The following TTC34 variants were observed in gnomAD, a reference collection of about 807,000 sequenced individuals.
The protein encoded by TTC34 is tetratricopeptide repeat domain 34.
A neutral mutation model predicts 40.7 loss-of-function variants in TTC34; 44 were observed. The observed-to-expected ratio is 1.08, with a 90% CI of 0.85 to 1.39. The LOEUF (loss-of-function observed/expected upper bound fraction) is 1.39, where lower values mean the gene tolerates loss of function less well. Ranked by LOEUF, TTC34 falls within the 40% of genes most tolerant of loss-of-function variation. TTC34 has a pLI of 0.00. For synonymous variants in TTC34, 422 were observed against 398.6 expected, an observed-to-expected ratio of 1.06 and a Z score of -0.70; for missense variants, 884 against 838.0, an observed-to-expected ratio of 1.05 and a Z score of -0.68.
chr1:2,645,160 G>T lies in TTC34; in HGVS notation c.2497+133C>A, dbSNP rs1638994273. ...GCAGGGCCAGAGGTCATGGGATTTG[G>T]GGTGGAAGGGACCTTGGAAGCTGTT... On this transcript the variant is annotated intron_variant, in intron 7 of 8. Transcript: ENST00000401095. This position sits in a 1 kb window ranked among gnomAD's most constrained non-coding sequence, Gnocchi z 4.7. The T allele has an allele frequency of 2.7e-6, 3 of 1,123,070 alleles. No homozygotes were observed. Among genetic ancestry groups the T allele is most frequent in the East Asian group, 5.9e-5 (2 of 33,970 alleles). The allele number at this position is 1,123,070 out of a possible 1,614,324, so 69.6% of individuals were successfully genotyped here. A position where few individuals can be genotyped will look rare whatever the true frequency, so the allele number is the denominator to read the frequency against.
At chr1:2,646,824 C>T (rs1018031073) in intron 6 of TTC34, among the ~76,000 whole-genome samples, 19 of 152,240 alleles carry the variant, frequency 1.2e-4, no homozygotes, top group African/African-American at 4.6e-4. Flanking sequence ...CACCACCTTC[C>T]CTCAGGATCT....
chr1:2,751,953 T>A (rs1386201971), intron 6 of TTC34, among the ~76,000 whole-genome samples: 1 of 116,018 alleles, frequency 8.6e-6, no homozygotes, highest in African/African-American at 3.9e-5. Flanking sequence ...TCGGAGAGTC[T>A]GGAGCAGCGC....
intron 6 of TTC34, among the ~76,000 whole-genome samples, chr1:2,685,033 C>T (rs1263979848): frequency 1.8e-5 from 2 of 111,638 alleles, no homozygotes; most frequent in African/African-American, 3.5e-5. Context: ...TAACAGCACC[C>T]ACACCCACAG....
At chr1:2,750,123 CA>C (rs1641266918) in intron 6 of TTC34, among the ~76,000 whole-genome samples, 2 of 44,118 alleles carry the variant, frequency 4.5e-5, no homozygotes, top group Non-Finnish European at 5.9e-5. Context: ...AGCACCCACA[CA>C]CCCAGGTGAG....
chr1:2,693,404 C>A (rs1459560973), intron 6 of TTC34, among the ~76,000 whole-genome samples: 1 of 51,582 alleles, frequency 1.9e-5, no homozygotes, highest in African/African-American at 7.1e-5. Context: ...GAGCATCTGA[C>A]TGCATGTATC....
intron 6 of TTC34, among the ~76,000 whole-genome samples, chr1:2,759,429 C>T (rs1641617454): frequency 3.0e-5 from 3 of 98,922 alleles, no homozygotes; most frequent in East Asian, 3.6e-4. Flanking sequence ...CCTGGATCAG[C>T]ACCCACACTC....
At chr1:2,765,715 C>CAA (rs1641768019) in intron 6 of TTC34, among the ~76,000 whole-genome samples, 17 of 49,314 alleles carry the variant, frequency 3.4e-4, no homozygotes, top group South Asian at 3.1e-3. Context: ...AGCATGCACA[C>CAA]CCCCAGGCGA....
chr1:2,698,349 TGG>T (rs1261254721), intron 6 of TTC34, among the ~76,000 whole-genome samples: 80 of 55,632 alleles, frequency 1.4e-3, no homozygotes, highest in Non-Finnish European at 2.4e-3. Context: ...TCTGACGTCC[TGG>T]AACAGCACCC....
At chr1:2,755,713 A>C (rs1641481163) in intron 6 of TTC34, among the ~76,000 whole-genome samples, 1 of 23,234 alleles carries the variant, frequency 4.3e-5, no homozygotes, top group Non-Finnish European at 7.9e-5. Context: ...CCCACAGGTG[A>C]GCATCCGACA....
chr1:2,768,047 C>A (rs1199980508), intron 6 of TTC34, among the ~76,000 whole-genome samples: 18 of 151,304 alleles, frequency 1.2e-4, no homozygotes, highest in Non-Finnish European at 1.5e-5. Context: ...CCCCACAACC[C>A]CAGGTGATCA....
chr1:2,697,738 ATCT>A (rs1640934370), intron 6 of TTC34, among the ~76,000 whole-genome samples: 1 of 151,284 alleles, frequency 6.6e-6, no homozygotes, highest in Non-Finnish European at 1.5e-5. Context: ...CCAGGTGAGC[ATCT>A]GACAGCCTGG....
rs1641489964 is a variant in TTC34, at chr1:2,755,926, C to A, written c.2226+27683G>T. ...CACCCCCAGGTGAGCATCTGACAGC[C>A]TGGAGCAGCACCCTGCACCCCCAGG... On this transcript the variant is annotated intron_variant, in intron 6 of 8. Coordinates refer to ENST00000401095, the Ensembl canonical transcript of TTC34. Among the ~76,000 whole-genome samples the A allele has an allele frequency of 4.8e-5, 4 of 82,640 alleles. 1 individual carries two copies. The highest frequency in any genetic ancestry group is 8.5e-5 in the Non-Finnish European group (4 of 47,048). The allele number at this position is 82,640 out of a possible 152,430, so 54.2% of individuals were successfully genotyped here.
At chr1:2,685,056 C>T (rs1418361852) in intron 6 of TTC34, among the ~76,000 whole-genome samples, 2 of 142,516 alleles carry the variant, frequency 1.4e-5, no homozygotes, top group Non-Finnish European at 3.0e-5. Context: ...GAGCATCTGA[C>T]AGCCTGGAAC....
intron 6 of TTC34, among the ~76,000 whole-genome samples, chr1:2,755,695 A>T (rs1310456873): frequency 2.1e-5 from 1 of 47,054 alleles, no homozygotes; most frequent in Non-Finnish European, 3.5e-5. Context: ...GTGGAGCAGC[A>T]CCCCAAACCC....
At chr1:2,752,774 G>A (rs1361490668) in intron 6 of TTC34, among the ~76,000 whole-genome samples, 18 of 97,128 alleles carry the variant, frequency 1.9e-4, no homozygotes, top group African/African-American at 2.9e-4. Flanking sequence ...GCACCCATAC[G>A]CCCAGATAAG....
intron 6 of TTC34, among the ~76,000 whole-genome samples, chr1:2,675,081 A>C (rs912839470): frequency 1.9e-3 from 97 of 52,356 alleles, no homozygotes; most frequent in Non-Finnish European, 2.7e-3. Context: ...GTGCCCACAC[A>C]CCCAGGCGAG....
chr1:2,687,301 G>C (rs566692324), intron 6 of TTC34, among the ~76,000 whole-genome samples: 505 of 120,080 alleles, frequency 4.2e-3, no homozygotes, highest in Admixed American at 8.4e-3. Flanking sequence ...GTGAGCATCT[G>C]ACATCGTGGA....
At chr1:2,681,904 AC>A (rs1181191452) in intron 6 of TTC34, among the ~76,000 whole-genome samples, 3 of 112,870 alleles carry the variant, frequency 2.7e-5, no homozygotes, top group African/African-American at 1.0e-4. Context: ...AACAGCCTGC[AC>A]CACCAGGTGC....
chr1:2,650,080 T>C (rs1185181305), intron 6 of TTC34, among the ~76,000 whole-genome samples: 1 of 146,338 alleles, frequency 6.8e-6, no homozygotes, highest in African/African-American at 2.5e-5. Flanking sequence ...CAGCCTGGAA[T>C]GGCACTCTGC....
Sources: gnomAD v4.1 joint callset for allele counts (sites outside exome capture counted in the v4.1 genomes callset) on GRCh38, gnomAD v4.1.1 for gene constraint, Gnocchi (gnomAD v3.1) non-coding constraint, MANE v1.5 for transcripts, NCBI Gene and HGNC (gene_info 2026-07-23, HGNC 2026-07-21) for gene names.